The following CREB5 variants were observed in gnomAD, a reference collection of about 807,000 sequenced individuals.
The protein encoded by CREB5 is cyclic AMP-responsive element-binding protein 5.
CREB5 carries 19 observed loss-of-function variants against 57.1 expected under a neutral mutation model. That is an observed-to-expected ratio of 0.33 (90% CI 0.23 to 0.49). CREB5 has a LOEUF of 0.49. Among genes scored for constraint, CREB5 ranks in the 20% least tolerant of loss-of-function variants. The pLI, the probability that CREB5 is intolerant of heterozygous loss-of-function variation, is 0.99. For missense variants in CREB5, 579 were observed against 671.6 expected (o/e 0.86, Z 1.52); for synonymous variants, 238 against 238.3 (o/e 1.00, Z 0.01).
At chr7:28,397,880 C>T (rs1044593145) in intron 1 of CREB5, among the ~76,000 whole-genome samples, 3 of 152,026 alleles carry the variant, frequency 2.0e-5, no homozygotes, top group Non-Finnish European at 2.9e-5. Flanking sequence ...TTAACTTTTG[C>T]CTATGGAGCT....
chr7:28,316,290 G>A (rs1785378214), intron 1 of CREB5, among the ~76,000 whole-genome samples: 1 of 152,088 alleles, frequency 6.6e-6, no homozygotes, highest in African/African-American at 2.4e-5. Flanking sequence ...CATCTGCCTG[G>A]AGCACTTGCA....
At chr7:28,726,464 G>A (rs1316632523) in intron 7 of CREB5, among the ~76,000 whole-genome samples, 1 of 152,038 alleles carries the variant, frequency 6.6e-6, no homozygotes, top group African/African-American at 2.4e-5. Context: ...TAACCATATA[G>A]TATTTTCTAG....
chr7:28,518,638 C>A (rs1265660381), intron 4 of CREB5, among the ~76,000 whole-genome samples: 1 of 152,128 alleles, frequency 6.6e-6, no homozygotes, highest in African/African-American at 2.4e-5. Context: ...CCCTTGTAAC[C>A]CCACTTGGTT....
At chr7:28,381,904 A>G (rs1786974198) in intron 1 of CREB5, among the ~76,000 whole-genome samples, 1 of 152,216 alleles carries the variant, frequency 6.6e-6, no homozygotes, top group Non-Finnish European at 1.5e-5. Context: ...TATATAAAAA[A>G]AGGTTTTGTT....
intron 1 of CREB5, among the ~76,000 whole-genome samples, chr7:28,372,770 A>G (rs1035142213): frequency 1.7e-4 from 26 of 152,376 alleles, no homozygotes; most frequent in African/African-American, 6.0e-4. Flanking sequence ...AGACAGCCTT[A>G]TAAAGTGCTC....
Position 28,507,602 on chromosome 7 carries a change from G to A in CREB5, c.170-14G>A, listed in dbSNP as rs747834326. On this transcript the variant is annotated splice_polypyrimidine_tract_variant and intron_variant, in intron 3 of 10. Transcript: ENST00000357727. ...AAAAAGACCCATTTATGAGCTCTCC[G>A]ACTCTGTTTTCAGATCAAACTCCGA... is the stretch of plus-strand genomic sequence containing the variant. 1.2e-5 allele frequency: 20 copies of A among 1,604,430 alleles called. No individual in the cohort carries two copies. Among genetic ancestry groups the A allele is most frequent in the Non-Finnish European group, 1.4e-5 (17 of 1,173,068 alleles).
At chr7:28,529,034 T>G (rs1180618624) in intron 4 of CREB5, among the ~76,000 whole-genome samples, 5 of 152,136 alleles carry the variant, frequency 3.3e-5, no homozygotes, top group Non-Finnish European at 7.4e-5. Context: ...GGCAACAAAC[T>G]TGGAGGTGGA....
chr7:28,316,980 T>C (rs75725607), intron 1 of CREB5, among the ~76,000 whole-genome samples: 4,579 of 151,436 alleles, frequency 0.03, 228 homozygotes, highest in African/African-American at 0.11. Context: ...CCATAAAATG[T>C]AAGATTTTCA....
At chr7:28,344,932 T>A (rs1786012952) in intron 1 of CREB5, among the ~76,000 whole-genome samples, 1 of 152,156 alleles carries the variant, frequency 6.6e-6, no homozygotes, top group African/African-American at 2.4e-5. Context: ...ATTTAATGCA[T>A]AAAGGGTACA....
chr7:28,524,894 A>G (rs1475482903), intron 4 of CREB5, among the ~76,000 whole-genome samples: 1 of 152,242 alleles, frequency 6.6e-6, no homozygotes, highest in Non-Finnish European at 1.5e-5. Flanking sequence ...TATAGTTACC[A>G]TACTGTGCTA....
intron 5 of CREB5, among the ~76,000 whole-genome samples, chr7:28,673,585 C>A (rs1393255375): frequency 6.6e-6 from 1 of 150,394 alleles, no homozygotes; most frequent in East Asian, 2.0e-4. Flanking sequence ...TTAGTTTTAT[C>A]CTTTTTGCCA....
At position 28,591,053 on chromosome 7, in the gene CREB5, C is replaced by T. The variant is rs118018231; in HGVS notation, c.464+20516C>T. On this transcript the variant is annotated intron_variant, in intron 5 of 10. Coordinates refer to ENST00000357727, the MANE Select transcript of CREB5 (RefSeq NM_182898.4). ...GAAATACTGAAAATGTCCCTGTTCC[C>T]CACTGTTTTAATAAACATGAGCACT... is the stretch of plus-strand genomic sequence containing the variant. Among the ~76,000 whole-genome samples the T allele has an allele frequency of 4.6e-5, 7 of 152,230 alleles. No homozygotes were observed. In the East Asian group the frequency reaches 1.4e-3, roughly 29 times the overall value.
intron 5 of CREB5, among the ~76,000 whole-genome samples, chr7:28,601,327 G>A (rs1008717681): frequency 1.3e-5 from 2 of 152,066 alleles, no homozygotes; most frequent in Non-Finnish European, 2.9e-5. Flanking sequence ...AAAGAAGGGA[G>A]GAATAAGTTG....
intron 5 of CREB5, among the ~76,000 whole-genome samples, chr7:28,625,597 G>A (rs937403908): frequency 6.6e-6 from 1 of 152,178 alleles, no homozygotes; most frequent in Non-Finnish European, 1.5e-5. Context: ...ATGCATTTCT[G>A]TTTGCTGAAT....
intron 5 of CREB5, among the ~76,000 whole-genome samples, chr7:28,644,429 G>A (rs1798810941): frequency 6.6e-6 from 1 of 152,096 alleles, no homozygotes; most frequent in Admixed American, 6.6e-5. Context: ...CATTTTGGGG[G>A]GCCAGACTTT....
chr7:28,530,946 A>G (rs1233454334), intron 4 of CREB5, among the ~76,000 whole-genome samples: 6 of 152,218 alleles, frequency 3.9e-5, no homozygotes, highest in Non-Finnish European at 7.3e-5. Flanking sequence ...GGAATGTAAT[A>G]AAATTTCCAT....
chr7:28,401,393 T>A (rs1787459600), intron 1 of CREB5, among the ~76,000 whole-genome samples: 1 of 151,958 alleles, frequency 6.6e-6, no homozygotes, highest in South Asian at 2.1e-4. Flanking sequence ...GTTATTTTTT[T>A]TTTAATTAAT....
At chr7:28,623,212 G>A (rs561751246) in intron 5 of CREB5, among the ~76,000 whole-genome samples, 4 of 152,270 alleles carry the variant, frequency 2.6e-5, no homozygotes, top group Non-Finnish European at 5.9e-5. Flanking sequence ...AGGATGCATG[G>A]AATGGCAACT....
chr7:28,698,718 C>T (rs943189860), intron 5 of CREB5, among the ~76,000 whole-genome samples: 2 of 152,156 alleles, frequency 1.3e-5, no homozygotes, highest in Non-Finnish European at 2.9e-5. Flanking sequence ...GAAGGCAAGA[C>T]ATGGGATGAG....
Sources: gnomAD v4.1 joint callset for allele counts (sites outside exome capture counted in the v4.1 genomes callset) on GRCh38, gnomAD v4.1.1 for gene constraint, MANE v1.5 for transcripts, NCBI Gene and HGNC (gene_info 2026-07-23, HGNC 2026-07-21) for gene names.